The following RAMP1 variants were observed in gnomAD, a reference collection of about 807,000 sequenced individuals.
RAMP1 encodes the protein receptor activity-modifying protein 1.
A neutral mutation model predicts 8.2 loss-of-function variants in RAMP1; 7 were observed. The ratio of observed to expected loss-of-function variants is 0.85; its 90% confidence interval spans 0.49 to 1.60. The LOEUF (loss-of-function observed/expected upper bound fraction) is 1.60, where lower values mean the gene tolerates loss of function less well. Ranked by LOEUF, RAMP1 falls within the 40% of genes most tolerant of loss-of-function variation. The pLI, the probability that RAMP1 is intolerant of heterozygous loss-of-function variation, is 0.00. For missense variants in RAMP1, 192 were observed against 202.4 expected (o/e 0.95, Z 0.31); for synonymous variants, 92 against 84.7 (o/e 1.09, Z -0.47).
At chr2:237,869,098 G>A (rs979046535) in intron 1 of RAMP1, among the ~76,000 whole-genome samples, 8 of 152,042 alleles carry the variant, frequency 5.3e-5, no homozygotes, top group African/African-American at 1.2e-4. Context: ...CCATCCATGC[G>A]CATTGTGTGA....
At chr2:237,905,364 G>A (rs1289294028) in intron 2 of RAMP1, among the ~76,000 whole-genome samples, 4 of 152,156 alleles carry the variant, frequency 2.6e-5, no homozygotes, top group South Asian at 4.1e-4. Context: ...GTGGGCAGCC[G>A]ACTGCACATT....
chr2:237,860,471 A>G (rs533418916), intron 1 of RAMP1, among the ~76,000 whole-genome samples: 200 of 152,312 alleles, frequency 1.3e-3, no homozygotes, highest in African/African-American at 4.5e-3. Flanking sequence ...CCTCATGGCC[A>G]CAGGAACTGG....
intron 2 of RAMP1, among the ~76,000 whole-genome samples, chr2:237,905,495 C>T (rs1222534541): frequency 1.3e-5 from 2 of 152,188 alleles, no homozygotes; most frequent in South Asian, 2.1e-4. Flanking sequence ...GTGGCCTCGG[C>T]GTGGGTTCTG....
rs1018127594 is a variant in RAMP1 at position 237,906,480 on chromosome 2, T to C, written c.192-5048T>C. ...TAGCCTCTTAAAGCCCCCAGGGGTC[T>C]CCTCACATTTAATTTATGGCCTCTG... On this transcript the variant is annotated intron_variant, in intron 2 of 2. Transcript: ENST00000254661. Among the ~76,000 whole-genome samples, 8 of 152,188 alleles carry C rather than the reference T, an allele frequency of 5.3e-5. No individual in the cohort carries two copies. The South Asian group carries it at 1.4e-3, about 28-fold the overall frequency.
intron 1 of RAMP1, among the ~76,000 whole-genome samples, chr2:237,870,409 C>T (rs530373885): frequency 7.9e-5 from 12 of 152,336 alleles, no homozygotes; most frequent in African/African-American, 2.4e-4. Flanking sequence ...CCATGCGGCG[C>T]GCTGGTGCTG....
intron 2 of RAMP1, among the ~76,000 whole-genome samples, chr2:237,880,402 G>C (rs302679): frequency 1.3e-5 from 2 of 152,090 alleles, no homozygotes; most frequent in South Asian, 2.1e-4. Flanking sequence ...GCTTATCTTA[G>C]ACATTTTGTG....
chr2:237,909,459 C>T (rs888933261), intron 2 of RAMP1, among the ~76,000 whole-genome samples: 1 of 152,136 alleles, frequency 6.6e-6, no homozygotes, highest in Non-Finnish European at 1.5e-5. Flanking sequence ...CCCCTTCAGG[C>T]CATCAGTCCC....
intron 2 of RAMP1, among the ~76,000 whole-genome samples, chr2:237,898,086 A>G (rs575227095): frequency 1.3e-5 from 2 of 152,302 alleles, no homozygotes; most frequent in South Asian, 2.1e-4. Context: ...GGCGGGAACC[A>G]CTGTGCCTGG....
At chr2:237,876,487 G>A (rs1018437097) in intron 1 of RAMP1, among the ~76,000 whole-genome samples, 8 of 152,206 alleles carry the variant, frequency 5.3e-5, no homozygotes, top group South Asian at 2.1e-4. Flanking sequence ...AAAGGAGGGG[G>A]ACCTGGGGAC....
At chr2:237,859,477 A>G (rs141489359), upstream of RAMP1, 863 of 168,548 alleles carry the variant, frequency 5.1e-3, 10 homozygotes, top group East Asian at 0.046. Context: ...CCCCCTGCAA[A>G]GTTTTACCGG....
intron 2 of RAMP1, among the ~76,000 whole-genome samples, chr2:237,886,207 G>C (rs2062431105): frequency 6.6e-6 from 1 of 152,174 alleles, no homozygotes; most frequent in South Asian, 2.1e-4. Context: ...GCCCTGCCCA[G>C]GCCGCCCCAC....
chr2:237,901,532 G>A (rs866542146), intron 2 of RAMP1, among the ~76,000 whole-genome samples: 1 of 152,222 alleles, frequency 6.6e-6, no homozygotes, highest in East Asian at 1.9e-4. Flanking sequence ...CAGTTAAAAG[G>A]AACAGCATGT....
At chr2:237,874,748 G>A (rs2062282485) in intron 1 of RAMP1, 1 of 948,010 alleles carries the variant, frequency 1.1e-6, no homozygotes. Flanking sequence ...AAATATGAAT[G>A]TGCAAAGCTG....
Position 237,901,990 on chromosome 2 carries a change from G to A in RAMP1, c.192-9538G>A, listed in dbSNP as rs148334394. 1.9e-3 allele frequency among the ~76,000 whole-genome samples: 294 copies of A among 152,242 alleles called. 2 individuals are homozygous for A. Among genetic ancestry groups the A allele is most frequent in the African/African-American group, 6.8e-3 (282 of 41,536 alleles). Reference sequence around the variant, plus strand: ...GGGAGGGCACCCTTGAGGGAAAGGGGAGCCATGATAACTCAGGGGATAGGC... The same window carrying A: ...GGGAGGGCACCCTTGAGGGAAAGGGAAGCCATGATAACTCAGGGGATAGGC... On this transcript the variant is annotated intron_variant, in intron 2 of 2. Transcript: ENST00000254661.
At chr2:237,876,867 C>T (rs143125341) in intron 1 of RAMP1, among the ~76,000 whole-genome samples, 13 of 152,252 alleles carry the variant, frequency 8.5e-5, no homozygotes, top group South Asian at 2.1e-4. Flanking sequence ...CACAGCCCAG[C>T]CCAGCCCATC....
At chr2:237,895,810 A>T (rs2062537047) in intron 2 of RAMP1, among the ~76,000 whole-genome samples, 2 of 152,136 alleles carry the variant, frequency 1.3e-5, no homozygotes, top group African/African-American at 4.8e-5. Flanking sequence ...TCACAAGGAC[A>T]ATGCCCCCAG....
chr2:237,906,272 C>G (rs1307771581), intron 2 of RAMP1, among the ~76,000 whole-genome samples: 1 of 152,162 alleles, frequency 6.6e-6, no homozygotes, highest in Non-Finnish European at 1.5e-5. Context: ...AGGCACGGCA[C>G]ACTCTCTGCT....
chr2:237,861,041 A>C (rs3769049), intron 1 of RAMP1, among the ~76,000 whole-genome samples: 3,798 of 152,284 alleles, frequency 0.025, 220 homozygotes, highest in East Asian at 0.22. Flanking sequence ...GTTTTCATTT[A>C]CTAAGAAACA....
At chr2:237,883,496 G>A (rs60194750) in intron 2 of RAMP1, among the ~76,000 whole-genome samples, 133 of 152,268 alleles carry the variant, frequency 8.7e-4, no homozygotes, top group African/African-American at 3.0e-3. Flanking sequence ...TACTCAGGAC[G>A]TTGAATAGAA....
Sources: allele counts gnomAD v4.1 joint callset (sites outside exome capture counted in the v4.1 genomes callset), GRCh38; gene constraint gnomAD v4.1.1; transcripts MANE v1.5; gene names NCBI Gene and HGNC (gene_info 2026-07-23, HGNC 2026-07-21).